NDRG4: variants seen among roughly 807,000 people sequenced by gnomAD.
NDRG4 encodes NDRG family member 4, also known as protein NDRG4.
A neutral mutation model predicts 55.8 loss-of-function variants in NDRG4; 38 were observed. That is an observed-to-expected ratio of 0.68 (90% CI 0.53 to 0.89). The LOEUF (loss-of-function observed/expected upper bound fraction) is 0.89. NDRG4 is among the 40% of genes least tolerant of loss of function. The pLI is 0.00. For synonymous variants in NDRG4, 190 were observed against 182.7 expected, an observed-to-expected ratio of 1.04 and a Z score of -0.32; for missense variants, 455 against 468.6, an observed-to-expected ratio of 0.97 and a Z score of 0.27.
Position 58,512,286 on chromosome 16 carries a change from TC to T in NDRG4, c.*714del, listed in dbSNP as rs1239673917. The T allele has an allele frequency of 2.8e-6, 1 of 351,552 alleles. No individual in the cohort carries two copies. The highest frequency in any genetic ancestry group is 8.1e-5 in the East Asian group (1 of 12,370). The allele number at this position is 351,552 out of a possible 1,614,324, so 21.8% of individuals were successfully genotyped here. A position where few individuals can be genotyped will look rare whatever the true frequency, so the allele number is the denominator to read the frequency against. The stretch of plus-strand genomic sequence containing the variant: ...CCTGTCCCAATTCTGAGCCAAGGCC[TC>T]CCCGAGGCAGAAGTTGCCTGGTCCT... On this transcript the variant is annotated 3_prime_UTR_variant, in exon 15 of 15. Transcript: ENST00000570248.
At chr16:58,483,084 C>G (rs28408754) in intron 1 of NDRG4, among the ~76,000 whole-genome samples, 1 of 152,044 alleles carries the variant, frequency 6.6e-6, no homozygotes, top group South Asian at 2.1e-4. Context: ...CCGTGCCCAG[C>G]CCCCCAGTGT....
intron 13 of NDRG4, 54 bp from the exon 14 acceptor site, chr16:58,510,591 T>C: frequency 6.9e-7 from 1 of 1,458,688 alleles, no homozygotes. Flanking sequence ...CGCTCTTCAC[T>C]GTGTTGTGTC....
At chr16:58,479,901 C>T (rs2034191256) in intron 1 of NDRG4, among the ~76,000 whole-genome samples, 2 of 152,150 alleles carry the variant, frequency 1.3e-5, no homozygotes, top group Non-Finnish European at 2.9e-5. Context: ...ATTCCTATTC[C>T]AGACCTTCGC....
In NDRG4 at chr16:58,464,877, C is replaced by T; in HGVS notation, c.-24+1080C>T. ...CCCTGTGACAATCTGAGCCGTCTTT[C>T]TCTGGGGGAGAAGTTTCTTGCTGGG... On this transcript the variant is annotated intron_variant, in intron 1 of 15. Transcript: ENST00000258187. The surrounding 1 kb of genome is among the most constrained non-coding windows in gnomAD (Gnocchi z 4.8). 1 of 1,189,658 alleles carries T rather than the reference C, an allele frequency of 8.4e-7. No homozygotes were observed. Among genetic ancestry groups the T allele is most frequent in the East Asian group, 5.9e-5 (1 of 16,940 alleles). The allele number at this position is 1,189,658 out of a possible 1,614,324, so 73.7% of individuals were successfully genotyped here. A position where few individuals can be genotyped will look rare whatever the true frequency, so the allele number is the denominator to read the frequency against.
In NDRG4 at chr16:58,507,611, G is replaced by A. The variant is rs77093766; in HGVS notation, c.621-197G>A. 3,002 of 589,794 alleles carry A rather than the reference G, an allele frequency of 5.1e-3. 72 individuals are homozygous for A. Among genetic ancestry groups the A allele is most frequent in the African/African-American group, 0.049 (2,649 of 53,920 alleles). 36.5% of individuals were successfully genotyped at this position (589,794 alleles called of 1,614,324 possible). ...TGGCGGTGCGCATGGCTCTGAGGGG[G>A]ATAGAGAGCAAAATTTGAGAGCCCA... is the stretch of plus-strand genomic sequence containing the variant. On this transcript the variant is annotated intron_variant, in intron 8 of 14. Transcript: ENST00000570248.
At chr16:58,465,091 C>T in intron 1 of NDRG4, 1 of 1,285,514 alleles carries the variant, frequency 7.8e-7, no homozygotes, top group Non-Finnish European at 1.0e-6. Flanking sequence ...GGAGCAGGGA[C>T]GGGGGGGAGG....
At position 58,464,495 on chromosome 16, in the gene NDRG4, CG is replaced by C; in HGVS notation, c.-24+699del. 1 of 1,305,724 alleles carries C rather than the reference CG, an allele frequency of 7.7e-7. No individual in the cohort carries two copies. The highest frequency in any genetic ancestry group is 9.7e-7 in the Non-Finnish European group (1 of 1,025,708). The allele number at this position is 1,305,724 out of a possible 1,614,324, so 80.9% of individuals were successfully genotyped here. ...ACCGCCCGCCTGCCCCGCAGCCGGC[CG>C]CCACTTTCCGAGTTGGAGCGGACTC... On this transcript the variant is annotated intron_variant, in intron 1 of 15. Transcript: ENST00000258187. The surrounding 1 kb of genome is among the most constrained non-coding windows in gnomAD (Gnocchi z 4.8).
At chr16:58,493,021 C>T (rs2035982222) in intron 2 of NDRG4, among the ~76,000 whole-genome samples, 1 of 152,176 alleles carries the variant, frequency 6.6e-6, no homozygotes, top group Non-Finnish European at 1.5e-5. Context: ...CTGGCTTTCC[C>T]CTTTGGGCAT....
At chr16:58,465,980 C>A (rs1209443432) in intron 1 of NDRG4, among the ~76,000 whole-genome samples, 1 of 152,150 alleles carries the variant, frequency 6.6e-6, no homozygotes, top group Non-Finnish European at 1.5e-5. Context: ...ACTTGTTAAC[C>A]CCCTGGAGGG....
In NDRG4 at chr16:58,511,502, C is replaced by T; in HGVS notation, c.985C>T (p.Pro329Ser). 1.2e-6 allele frequency: 2 copies of T among 1,612,960 alleles called. No individual in the cohort carries two copies. Among genetic ancestry groups the T allele is most frequent in the African/African-American group, 2.7e-5 (2 of 75,034 alleles). ...TGCCAGCTCGGTGGATGGCAGCCGC[C>T]CACAGGCCTGCACCCACTCAGAGAG... Reference protein sequence around the residue: ...TSASSVDGSRPQACTHSESSE... With the variant: ...TSASSVDGSRSQACTHSESSE... The change falls in exon 15 of 15, where the codon CCA becomes TCA. Residue 329 changes from proline to serine, a missense_variant. Physicochemically the swap from Pro to Ser is moderately conservative, Grantham distance 74. Coordinates refer to ENST00000570248, the MANE Select transcript of NDRG4 (RefSeq NM_001242835.2).
At chr16:58,481,844 G>C (rs971460252) in intron 1 of NDRG4, among the ~76,000 whole-genome samples, 5 of 152,162 alleles carry the variant, frequency 3.3e-5, no homozygotes, top group African/African-American at 1.2e-4. Flanking sequence ...TAGGAGATCA[G>C]GATAAGGACA....
intron 1 of NDRG4, chr16:58,501,329 C>T (rs1326913932): frequency 2.7e-6 from 1 of 369,108 alleles, no homozygotes; most frequent in Non-Finnish European, 4.8e-6. Flanking sequence ...AAGCCCCACT[C>T]CCCTCCAGTG....
chr16:58,504,305 C>T lies in NDRG4; in HGVS notation c.248+31C>T, dbSNP rs760938040. On this transcript the variant is annotated intron_variant, in intron 3 of 14. Coordinates refer to ENST00000570248, the MANE Select transcript of NDRG4 (RefSeq NM_001242835.2). ...TACCCTGAGCCCCCTCTGCCTGTCT[C>T]CAGCTCTGCACCTGAGGCCACACCT... is the stretch of plus-strand genomic sequence containing the variant. 41 of 1,613,994 alleles carry T rather than the reference C, an allele frequency of 2.5e-5. 1 individual carries two copies. The South Asian group carries it at 4.1e-4, about 16-fold the overall frequency.
intron 1 of NDRG4, chr16:58,463,962 C>A: frequency 6.7e-6 from 1 of 150,116 alleles, no homozygotes; most frequent in South Asian, 2.0e-4. Flanking sequence ...CGCCCCATTT[C>A]GCCTCCGCGG....
chr16:58,484,355 AGAGT>A (rs1169634126), intron 1 of NDRG4, among the ~76,000 whole-genome samples: 1 of 152,188 alleles, frequency 6.6e-6, no homozygotes, highest in Admixed American at 6.5e-5. Context: ...CCTGGGCGAC[AGAGT>A]AAGAATCCGT....
At chr16:58,472,497 T>C (rs1362022082) in intron 1 of NDRG4, among the ~76,000 whole-genome samples, 1 of 152,166 alleles carries the variant, frequency 6.6e-6, no homozygotes, top group Non-Finnish European at 1.5e-5. Context: ...CCCGGCTGCC[T>C]GTGTGTGATT....
chr16:58,503,973 C>T (rs777869296), intron 2 of NDRG4, 70 bp downstream of exon 2: 6 of 1,568,760 alleles, frequency 3.8e-6, no homozygotes, highest in Non-Finnish European at 4.4e-6. Context: ...GCCCCCCACC[C>T]TCCCCACAGG....
chr16:58,509,226 G>A, intron 12 of NDRG4, 37 bp downstream of exon 12: 3 of 1,613,998 alleles, frequency 1.9e-6, no homozygotes, highest in Non-Finnish European at 2.5e-6. Context: ...ACATCTATGG[G>A]GAGGGGGAAG....
upstream of NDRG4, among the ~76,000 whole-genome samples, chr16:58,498,295 T>C (rs1443974685): frequency 1.3e-5 from 2 of 152,074 alleles, no homozygotes. Context: ...CCAGGGGGAC[T>C]CCCCATTCTA....
Sources: gnomAD v4.1 joint callset for allele counts (sites outside exome capture counted in the v4.1 genomes callset) on GRCh38, gnomAD v4.1.1 for gene constraint, Gnocchi (gnomAD v3.1) non-coding constraint, MANE v1.5 for transcripts, NCBI Gene and HGNC (gene_info 2026-07-23, HGNC 2026-07-21) for gene names.